Variants in FHIT observed in about 807,000 individuals in gnomAD.
FHIT encodes bis(5'-adenosyl)-triphosphatase.
A neutral mutation model predicts 17.9 loss-of-function variants in FHIT; 19 were observed. That is an observed-to-expected ratio of 1.06 (90% CI 0.74 to 1.56). FHIT has a LOEUF of 1.56. FHIT is among the 40% of genes most tolerant of loss of function. FHIT has a pLI of 0.00. For missense variants in FHIT, 248 were observed against 189.2 expected, an observed-to-expected ratio of 1.31 and a Z score of -1.82; for synonymous variants, 81 against 69.7, an observed-to-expected ratio of 1.16 and a Z score of -0.81.
At chr3:60,500,771 TAAAAAAAAAAAA>T (rs71092606) in intron 5 of FHIT, among the ~76,000 whole-genome samples, 6 of 64,864 alleles carry the variant, frequency 9.3e-5, no homozygotes, top group East Asian at 4.4e-4. Context: ...AGCATCCATC[TAAAAAAAAAAAA>T]AAAAAAAAAA....
chr3:60,406,362 G>A (rs1701856844), intron 5 of FHIT, among the ~76,000 whole-genome samples: 1 of 152,150 alleles, frequency 6.6e-6, no homozygotes, highest in Admixed American at 6.5e-5. Flanking sequence ...ACTCAAAGCT[G>A]TTTTATCCCT....
intron 5 of FHIT, among the ~76,000 whole-genome samples, chr3:60,053,306 C>A (rs1254304985): frequency 6.6e-6 from 1 of 150,726 alleles, no homozygotes; most frequent in African/African-American, 2.4e-5. Context: ...TTTATTCTTT[C>A]ACTTCTAAAC....
intron 4 of FHIT, among the ~76,000 whole-genome samples, chr3:60,572,183 A>G (rs997858373): frequency 5.3e-5 from 8 of 152,290 alleles, no homozygotes; most frequent in South Asian, 2.1e-4. Flanking sequence ...AGTTGATGCA[A>G]TATCTCCAAT....
At chr3:61,200,209 T>C (rs2106671534) in intron 2 of FHIT, among the ~76,000 whole-genome samples, 1 of 152,326 alleles carries the variant, frequency 6.6e-6, no homozygotes, top group Admixed American at 6.5e-5. Context: ...TCACAATAAA[T>C]TTCATTCAAC....
At chr3:60,360,779 G>A (rs1208583940) in intron 5 of FHIT, among the ~76,000 whole-genome samples, 2 of 151,964 alleles carry the variant, frequency 1.3e-5, no homozygotes, top group African/African-American at 2.4e-5. Flanking sequence ...CTTATCAATC[G>A]AGCCACCATG....
At chr3:60,222,820 G>T (rs1020878106) in intron 5 of FHIT, among the ~76,000 whole-genome samples, 2 of 152,132 alleles carry the variant, frequency 1.3e-5, no homozygotes, top group Admixed American at 1.3e-4. Flanking sequence ...AGAACTGCTT[G>T]AACTCGGGAG....
chr3:60,887,608 T>G (rs1227486396), intron 3 of FHIT, among the ~76,000 whole-genome samples: 1 of 151,984 alleles, frequency 6.6e-6, no homozygotes, highest in Non-Finnish European at 1.5e-5. Context: ...ACTGTGCCAC[T>G]GCACTCCAGC....
intron 3 of FHIT, among the ~76,000 whole-genome samples, chr3:61,032,366 A>G (rs780302143): frequency 3.3e-5 from 5 of 152,212 alleles, no homozygotes; most frequent in Non-Finnish European, 7.3e-5. Context: ...GATAAGGAAC[A>G]TAAGGTGTAC....
chr3:60,975,416 G>T (rs1234511648), intron 3 of FHIT, among the ~76,000 whole-genome samples: 1 of 152,174 alleles, frequency 6.6e-6, no homozygotes, highest in Non-Finnish European at 1.5e-5. Flanking sequence ...CCCAGTTAAT[G>T]TATGCTGAAC....
chr3:60,299,632 G>T (rs913079720), intron 5 of FHIT, among the ~76,000 whole-genome samples: 1 of 152,042 alleles, frequency 6.6e-6, no homozygotes, highest in African/African-American at 2.4e-5. Flanking sequence ...ACCCCTGAGT[G>T]GAGGAAAAGG....
intron 5 of FHIT, among the ~76,000 whole-genome samples, chr3:60,129,049 G>GTT (rs1553692328): frequency 0.16 from 19,478 of 120,008 alleles, 2,000 homozygotes; most frequent in Non-Finnish European, 0.22. Context: ...TTCCTTTTTT[G>GTT]TTTGTTTTTT....
At chr3:60,804,997 C>T (rs1004132736) in intron 4 of FHIT, among the ~76,000 whole-genome samples, 2 of 152,192 alleles carry the variant, frequency 1.3e-5, no homozygotes, top group African/African-American at 4.8e-5. Context: ...CCACGAGTAA[C>T]TAGCACATAG....
At chr3:60,349,532 A>G (rs974706295) in intron 5 of FHIT, among the ~76,000 whole-genome samples, 5 of 152,216 alleles carry the variant, frequency 3.3e-5, no homozygotes, top group Non-Finnish European at 7.3e-5. Context: ...CTATTTTTTA[A>G]ATATATAATT....
chr3:60,992,841 C>A (rs2107586226), intron 3 of FHIT, among the ~76,000 whole-genome samples: 1 of 151,932 alleles, frequency 6.6e-6, no homozygotes, highest in South Asian at 2.1e-4. Context: ...AACAGGAGGC[C>A]GTGGAACAAC....
At chr3:60,443,668 A>G (rs1227900997) in intron 5 of FHIT, among the ~76,000 whole-genome samples, 4 of 152,082 alleles carry the variant, frequency 2.6e-5, no homozygotes, top group African/African-American at 7.2e-5. Flanking sequence ...TGCTGGATTC[A>G]GTTTGCCAGT....
intron 5 of FHIT, among the ~76,000 whole-genome samples, chr3:60,227,609 T>C (rs560080439): frequency 6.6e-6 from 1 of 152,330 alleles, no homozygotes; most frequent in East Asian, 1.9e-4. Flanking sequence ...CGAACACTGA[T>C]TTAATCTATA....
intron 4 of FHIT, among the ~76,000 whole-genome samples, chr3:60,815,271 G>C (rs1701699912): frequency 6.6e-6 from 1 of 152,008 alleles, no homozygotes; most frequent in Non-Finnish European, 1.5e-5. Context: ...TTTTGGTTTT[G>C]TTGCAATTGC....
intron 4 of FHIT, among the ~76,000 whole-genome samples, chr3:60,568,185 T>C (rs1038561004): frequency 5.3e-5 from 8 of 152,256 alleles, no homozygotes; most frequent in Non-Finnish European, 1.2e-4. Flanking sequence ...CTACTCACAA[T>C]AGCAAAGACT....
At chr3:61,044,388 T>G (rs1046493520) in intron 2 of FHIT, among the ~76,000 whole-genome samples, 1 of 152,104 alleles carries the variant, frequency 6.6e-6, no homozygotes, top group Non-Finnish European at 1.5e-5. Flanking sequence ...TATCACTGAT[T>G]GAAGACCAAA....
Sources: gnomAD v4.1 joint callset for allele counts (sites outside exome capture counted in the v4.1 genomes callset) on GRCh38, gnomAD v4.1.1 for gene constraint, MANE v1.5 for transcripts, NCBI Gene and HGNC (gene_info 2026-07-23, HGNC 2026-07-21) for gene names.